PLA2G6: variants seen among roughly 807,000 people sequenced by gnomAD.
PLA2G6 encodes the protein phospholipase A2 group VI, also known as 85/88 kDa calcium-independent phospholipase A2.
PLA2G6 carries 62 observed loss-of-function variants against 83.8 expected under a neutral mutation model. That is an observed-to-expected ratio of 0.74 (90% CI 0.60 to 0.91). PLA2G6 has a LOEUF of 0.91. PLA2G6 is among the 40% of genes least tolerant of loss of function. The pLI is 0.00. For missense variants in PLA2G6, 944 were observed against 1,102.0 expected, an observed-to-expected ratio of 0.86 and a Z score of 2.03; for synonymous variants, 417 against 449.8, an observed-to-expected ratio of 0.93 and a Z score of 0.92.
At chr22:38,161,445 C>A (rs374978397) in intron 2 of PLA2G6, among the ~76,000 whole-genome samples, 61 of 152,258 alleles carry the variant, frequency 4.0e-4, no homozygotes, top group African/African-American at 1.3e-3. Context: ...CCATAGTGCT[C>A]TACCTCCTAA....
rs1173111976 is a variant in PLA2G6 at position 38,129,439 on chromosome 22, G to A, written c.1186+15C>T. 5.8e-6 allele frequency: 9 copies of A among 1,550,250 alleles called. No individual in the cohort carries two copies. Among genetic ancestry groups the A allele is most frequent in the South Asian group, 1.1e-5 (1 of 89,782 alleles). ...ACCCTCACCCCACTCCAGCCCCAGA[G>A]TGCAGAGCACATACGTCTGCCGATT... On this transcript the variant is annotated intron_variant, in intron 8 of 16. Coordinates refer to ENST00000332509, the MANE Select transcript of PLA2G6 (RefSeq NM_003560.4).
Position 38,126,353 on chromosome 22 carries a change from C to T in PLA2G6, c.1427+18G>A, listed in dbSNP as rs760921613. 4.4e-6 allele frequency: 7 copies of T among 1,601,758 alleles called. No homozygotes were observed. The highest frequency in any genetic ancestry group is 1.3e-5 in the African/African-American group (1 of 74,774). On this transcript the variant is annotated intron_variant, in intron 10 of 16. Coordinates refer to ENST00000332509, the MANE Select transcript of PLA2G6 (RefSeq NM_003560.4). Reference sequence around the variant, plus strand: ...GCGCACACGTTCCCCGCTCTGCCCCCGATCTCGATCCACTTACGTCCGCTT... The same window carrying T: ...GCGCACACGTTCCCCGCTCTGCCCCTGATCTCGATCCACTTACGTCCGCTT...
intron 2 of PLA2G6, among the ~76,000 whole-genome samples, chr22:38,153,277 C>T (rs923311864): frequency 2.0e-5 from 3 of 152,102 alleles, no homozygotes; most frequent in Admixed American, 6.6e-5. Flanking sequence ...ACTAAAAATA[C>T]AAAAATTAGC....
intron 10 of PLA2G6, chr22:38,125,574 C>T (rs568488545): frequency 4.6e-6 from 2 of 434,814 alleles, no homozygotes; most frequent in Admixed American, 2.7e-5. Flanking sequence ...CCAGAGAGAG[C>T]CTGCGGTAGC....
intron 12 of PLA2G6, among the ~76,000 whole-genome samples, chr22:38,116,866 A>AAAAAAAAAAAC (rs2087235721): frequency 6.6e-6 from 1 of 150,976 alleles, no homozygotes; most frequent in African/African-American, 2.4e-5. Context: ...AAAAAAAAAA[A>AAAAAAAAAAAC]AAAAAAAAAA....
At chr22:38,172,284 G>A (rs1345142977) in intron 1 of PLA2G6, among the ~76,000 whole-genome samples, 1 of 152,194 alleles carries the variant, frequency 6.6e-6, no homozygotes, top group Non-Finnish European at 1.5e-5. Context: ...CTAGTGGGTG[G>A]AGCAGTGAAA....
At chr22:38,131,946 C>T in intron 7 of PLA2G6, 1 of 332,926 alleles carries the variant, frequency 3.0e-6, no homozygotes, top group Non-Finnish European at 5.9e-6. Context: ...GAAACCCCGT[C>T]TCTACTAAAA....
intron 10 of PLA2G6, among the ~76,000 whole-genome samples, chr22:38,125,212 G>A (rs148101497): frequency 2.4e-4 from 36 of 152,140 alleles, no homozygotes; most frequent in African/African-American, 8.2e-4. Context: ...GTGCATGCAC[G>A]TGTGTTTGCA....
intron 1 of PLA2G6, among the ~76,000 whole-genome samples, chr22:38,172,111 A>G (rs919964824): frequency 6.6e-6 from 1 of 152,128 alleles, no homozygotes; most frequent in African/African-American, 2.4e-5. Context: ...TCCTCCTACC[A>G]AACACTCCTG....
At chr22:38,143,406 G>C in intron 3 of PLA2G6, 118 bp from the exon 4 acceptor site, 1 of 905,864 alleles carries the variant, frequency 1.1e-6, no homozygotes. Flanking sequence ...GTTTATTTGA[G>C]CTCAAGAGCA....
chr22:38,113,573 C>T lies in PLA2G6; in HGVS notation c.2116G>A (p.Val706Met), dbSNP rs1569240867. The change falls in exon 15 of 17, where the codon GTG (valine) becomes ATG (methionine). Residue 706 changes from valine to methionine, a missense_variant. By Grantham distance (21) the Val-to-Met change is conservative. Coordinates refer to ENST00000332509, the MANE Select transcript of PLA2G6 (RefSeq NM_003560.4). ...GRSPQVPVTC[V>M]DVFRPSNPWE... The stretch of plus-strand genomic sequence containing the variant: ...GGGTTGCTGGGACGGAAGACATCCA[C>T]ACAGGTCACAGGCACTTGTGGGGAC... The T allele has an allele frequency of 4.3e-6, 7 of 1,614,028 alleles. No homozygotes were observed. Among genetic ancestry groups the T allele is most frequent in the East Asian group, 2.2e-5 (1 of 44,882 alleles).
At chr22:38,113,902 TAC>T (rs1050397916) in intron 14 of PLA2G6, 46 of 613,982 alleles carry the variant, frequency 7.5e-5, no homozygotes, top group Non-Finnish European at 1.3e-4. Context: ...GGACCACACA[TAC>T]ACCAGCTGCA....
At chr22:38,179,215 G>T (rs1208547215) in intron 1 of PLA2G6, among the ~76,000 whole-genome samples, 1 of 152,204 alleles carries the variant, frequency 6.6e-6, no homozygotes, top group Non-Finnish European at 1.5e-5. Flanking sequence ...GGAAAAGCAA[G>T]GAAGCCAGTG....
chr22:38,169,175 G>A (rs1213202216), intron 2 of PLA2G6, 43 bp downstream of exon 2: 2 of 1,447,230 alleles, frequency 1.4e-6, no homozygotes, highest in Non-Finnish European at 9.7e-7. Context: ...GAGACGTGGG[G>A]GAGTGAAAGG....
At chr22:38,133,903 TG>T (rs1309498004) in intron 6 of PLA2G6, 1 of 152,608 alleles carries the variant, frequency 6.6e-6, no homozygotes, top group East Asian at 1.9e-4. Flanking sequence ...TGGTTAATAA[TG>T]AGTGTCAACT....
intron 2 of PLA2G6, chr22:38,149,317 GT>G (rs1445262400): frequency 3.3e-5 from 5 of 152,156 alleles, no homozygotes; most frequent in Non-Finnish European, 7.3e-5. Flanking sequence ...AAATATTTAA[GT>G]TATCCAAAAT....
At chr22:38,179,911 C>T (rs935172189) in intron 1 of PLA2G6, among the ~76,000 whole-genome samples, 2 of 151,886 alleles carry the variant, frequency 1.3e-5, no homozygotes, top group African/African-American at 2.4e-5. Context: ...TGTGGGCTGA[C>T]AGAATAGAGA....
At chr22:38,169,096 C>T in intron 2 of PLA2G6, 122 bp downstream of exon 2, 1 of 789,408 alleles carries the variant, frequency 1.3e-6, no homozygotes, top group South Asian at 1.5e-5. Context: ...CCCTCTCTCC[C>T]ACCCCTCTCC....
At position 38,115,652 on chromosome 22, in the gene PLA2G6, T is replaced by C; in HGVS notation, c.1909A>G (p.Ser637Gly). ...CGGAAGTAAGTAGGAGCTGCCCCGC[T>C]GCTTCGGGCCGCCCGCCACACCAGC... is the stretch of plus-strand genomic sequence containing the variant. The part of the protein sequence containing the change: ...DQLVWRAARS[S>G]GAAPTYFRPN... Residue 637 changes from serine (S) to glycine (G), a missense_variant, in exon 14 of 17, where the codon AGC (serine) becomes GGC (glycine). Transcript: ENST00000332509. 2 of 1,574,168 alleles carry C rather than the reference T, an allele frequency of 1.3e-6. No individual in the cohort carries two copies. The highest frequency in any genetic ancestry group is 1.7e-6 in the Non-Finnish European group (2 of 1,161,696).
Sources: gnomAD v4.1 joint callset for allele counts (sites outside exome capture counted in the v4.1 genomes callset) on GRCh38, gnomAD v4.1.1 for gene constraint, MANE v1.5 for transcripts, NCBI Gene and HGNC (gene_info 2026-07-23, HGNC 2026-07-21) for gene names.